Variants in CTIF observed in about 807,000 individuals in gnomAD.
CTIF encodes CBP80/20-dependent translation initiation factor.
Under a neutral mutation model 66.0 loss-of-function variants are expected in CTIF, and 21 were observed. The observed-to-expected ratio is 0.32, with a 90% CI of 0.23 to 0.46. The LOEUF is 0.46. Ranked by LOEUF, CTIF falls within the 20% of genes least tolerant of loss-of-function variation. CTIF has a pLI of 1.00. For missense variants in CTIF, 739 were observed against 812.7 expected, an observed-to-expected ratio of 0.91 and a Z score of 1.10; for synonymous variants, 345 against 326.4, an observed-to-expected ratio of 1.06 and a Z score of -0.62.
intron 1 of CTIF, chr18:48,567,611 CAGTA>C (rs2089307261): frequency 6.6e-6 from 1 of 152,214 alleles, no homozygotes; most frequent in South Asian, 2.1e-4. Flanking sequence ...GGAAATAACT[CAGTA>C]AGAGCAGTCA....
In CTIF at chr18:48,636,710, T is replaced by G. The variant is rs759760166; in HGVS notation, c.252+25T>G. The G allele has an allele frequency of 1.1e-5, 17 of 1,534,026 alleles. No individual in the cohort carries two copies. The South Asian group carries it at 2.1e-4, about 19-fold the overall frequency. ...GGTAGGGAACCAGCTCTGCGCTCTG[T>G]CTGGGGGTGTCCTATGTCTTGTCTG... On this transcript the variant is annotated intron_variant, in intron 3 of 11. Coordinates refer to ENST00000256413, the MANE Select transcript of CTIF (RefSeq NM_014772.3).
intron 7 of CTIF, among the ~76,000 whole-genome samples, chr18:48,724,935 G>A (rs952972011): frequency 6.6e-6 from 1 of 152,280 alleles, no homozygotes; most frequent in African/African-American, 2.4e-5. Context: ...TCAGCTTCAA[G>A]GGGAGGATTT....
intron 1 of CTIF, among the ~76,000 whole-genome samples, chr18:48,594,328 C>T (rs1176031679): frequency 6.6e-6 from 1 of 150,568 alleles, no homozygotes; most frequent in East Asian, 1.9e-4. Context: ...TCCCCACCCC[C>T]ACCCCACCCC....
Position 48,752,494 on chromosome 18 carries a change from TC to T in CTIF, c.585-5424del, listed in dbSNP as rs576919036. ...TGGCGTGTTACAGCAAAAACACAAA[TC>T]TGAGTTCCAGTGAGGGCTTTGCCAC... On this transcript the variant is annotated intron_variant, in intron 7 of 11. Coordinates refer to ENST00000256413, the MANE Select transcript of CTIF (RefSeq NM_014772.3). Among the ~76,000 whole-genome samples, 629 of 152,274 alleles carry T rather than the reference TC, an allele frequency of 4.1e-3. 2 individuals are homozygous for T. The highest frequency in any genetic ancestry group is 8.5e-3 in the Admixed American group (130 of 15,298).
chr18:48,731,712 G>A (rs1354410140), intron 7 of CTIF, among the ~76,000 whole-genome samples: 5 of 152,188 alleles, frequency 3.3e-5, no homozygotes, highest in Non-Finnish European at 7.4e-5. Context: ...AAACCCAATG[G>A]TCCCTTACCA....
intron 9 of CTIF, among the ~76,000 whole-genome samples, chr18:48,782,181 C>T (rs1280369291): frequency 6.6e-6 from 1 of 151,832 alleles, no homozygotes; most frequent in African/African-American, 2.4e-5. Context: ...AGGGTGAAGT[C>T]CAAGAGCTCT....
At chr18:48,849,426 G>A (rs577738614) in intron 10 of CTIF, among the ~76,000 whole-genome samples, 1 of 151,718 alleles carries the variant, frequency 6.6e-6, no homozygotes, top group South Asian at 2.1e-4. Context: ...TTAAACTCCT[G>A]GACTCAAGTG....
intron 1 of CTIF, among the ~76,000 whole-genome samples, chr18:48,543,857 G>C (rs563485926): frequency 6.6e-6 from 1 of 152,274 alleles, no homozygotes; most frequent in East Asian, 1.9e-4. Flanking sequence ...TTCTGGTTCT[G>C]GGAAGGGCTC....
intron 9 of CTIF, among the ~76,000 whole-genome samples, chr18:48,768,999 T>G (rs1909849708): frequency 1.3e-5 from 2 of 152,242 alleles, no homozygotes; most frequent in African/African-American, 4.8e-5. Context: ...GCTGAGTCTC[T>G]GAGCTTTCTG....
intron 2 of CTIF, among the ~76,000 whole-genome samples, chr18:48,626,934 G>A (rs2090615539): frequency 6.6e-6 from 1 of 152,160 alleles, no homozygotes; most frequent in Non-Finnish European, 1.5e-5. Context: ...TGGGATTACA[G>A]GCGTGAGCCA....
intron 1 of CTIF, among the ~76,000 whole-genome samples, chr18:48,613,856 C>A (rs1382582680): frequency 6.6e-6 from 1 of 152,212 alleles, no homozygotes; most frequent in African/African-American, 2.4e-5. Flanking sequence ...CGTGCCCACA[C>A]CGGCCCTCCC....
intron 1 of CTIF, 44 bp from the exon 2 acceptor site, chr18:48,619,494 C>T (rs2090454314): frequency 1.5e-6 from 2 of 1,301,140 alleles, no homozygotes; most frequent in Non-Finnish European, 2.0e-6. Context: ...TCGTCGTCTC[C>T]TCCAGCAGCG....
intron 7 of CTIF, among the ~76,000 whole-genome samples, chr18:48,730,415 T>G (rs28638263): frequency 1.5e-4 from 6 of 40,018 alleles, no homozygotes; most frequent in African/African-American, 4.8e-4. Flanking sequence ...CCACGGTGTG[T>G]GGGGCCCCTG....
At chr18:48,695,429 C>T (rs531914873) in intron 6 of CTIF, among the ~76,000 whole-genome samples, 31 of 152,276 alleles carry the variant, frequency 2.0e-4, no homozygotes, top group African/African-American at 7.0e-4. Context: ...CACTCGCTGC[C>T]GTCAGTGCTG....
At chr18:48,793,587 G>T (rs976422890) in intron 9 of CTIF, among the ~76,000 whole-genome samples, 3 of 152,168 alleles carry the variant, frequency 2.0e-5, no homozygotes, top group Non-Finnish European at 4.4e-5. Flanking sequence ...ATCCCTTGGC[G>T]CAAGTGACAT....
intron 8 of CTIF, among the ~76,000 whole-genome samples, chr18:48,759,051 G>A (rs1169533827): frequency 1.3e-5 from 2 of 152,134 alleles, no homozygotes; most frequent in Non-Finnish European, 2.9e-5. Flanking sequence ...TTGCTCCCAG[G>A]AGGCTCTTTC....
At chr18:48,765,867 G>A (rs1403086364) in intron 9 of CTIF, among the ~76,000 whole-genome samples, 1 of 150,686 alleles carries the variant, frequency 6.6e-6, no homozygotes, top group East Asian at 1.9e-4. Context: ...CCTTTTATTA[G>A]TAGTGTCCTT....
intron 6 of CTIF, among the ~76,000 whole-genome samples, chr18:48,702,492 A>G (rs1462488366): frequency 6.6e-6 from 1 of 152,196 alleles, no homozygotes; most frequent in African/African-American, 2.4e-5. Flanking sequence ...CCTCTGGGAT[A>G]GTATTGAGAG....
At chr18:48,839,671 A>T (rs1480099195) in intron 10 of CTIF, among the ~76,000 whole-genome samples, 2 of 152,212 alleles carry the variant, frequency 1.3e-5, no homozygotes, top group Non-Finnish European at 2.9e-5. Context: ...CCTTAGTTCC[A>T]AATGCTGATC....
Sources: allele counts gnomAD v4.1 joint callset (sites outside exome capture counted in the v4.1 genomes callset), GRCh38; gene constraint gnomAD v4.1.1; transcripts MANE v1.5; gene names NCBI Gene and HGNC (gene_info 2026-07-23, HGNC 2026-07-21).